FRYL: variants seen among roughly 807,000 people sequenced by gnomAD.
The protein encoded by FRYL is FRY like transcription coactivator.
Under a neutral mutation model 351.2 loss-of-function variants are expected in FRYL, and 150 were observed. The observed-to-expected ratio is 0.43, with a 90% confidence interval of 0.37 to 0.49. The LOEUF is 0.49. Among genes scored for constraint, FRYL ranks in the 20% least tolerant of loss-of-function variants. The probability of loss-of-function intolerance (pLI) is 0.00; values close to 1 mark genes in which losing one functional copy is unlikely to be tolerated. For missense variants in FRYL, 3,036 were observed against 3,619.3 expected (o/e 0.84, Z 4.13); for synonymous variants, 1,153 against 1,257.1 (o/e 0.92, Z 1.75).
intron 1 of FRYL, among the ~76,000 whole-genome samples, chr4:48,730,050 G>A (rs1347543941): frequency 1.3e-5 from 2 of 152,064 alleles, no homozygotes; most frequent in African/African-American, 4.8e-5. Context: ...TGACCTGATG[G>A]AGCTGAAAAC....
chr4:48,596,750 CCATTT>C (rs1313759994), intron 13 of FRYL, among the ~76,000 whole-genome samples: 3 of 151,958 alleles, frequency 2.0e-5, no homozygotes, highest in African/African-American at 7.3e-5. Context: ...ATCAGTTATT[CCATTT>C]CAATTACAAT....
At chr4:48,609,557 G>A (rs567584418) in intron 8 of FRYL, among the ~76,000 whole-genome samples, 187 bp downstream of exon 8, 92 of 152,110 alleles carry the variant, frequency 6.0e-4, no homozygotes, top group Non-Finnish European at 1.2e-3. Flanking sequence ...AGGAGGTCAA[G>A]GCTGCAGTGA....
At chr4:48,503,130 T>G (rs898572553) in intron 60 of FRYL, among the ~76,000 whole-genome samples, 4 of 151,874 alleles carry the variant, frequency 2.6e-5, no homozygotes, top group Non-Finnish European at 4.4e-5. Context: ...TGAACTATTG[T>G]GATCTTGGTA....
chr4:48,632,110 A>ATATATATG lies in FRYL; in HGVS notation c.120+2180_120+2181insCATATATA, dbSNP rs1553957680. Among the ~76,000 whole-genome samples the ATATATATG allele has an allele frequency of 2.6e-4, 25 of 94,752 alleles. 1 individual carries two copies. Among genetic ancestry groups the ATATATATG allele is most frequent in the Non-Finnish European group, 5.1e-4 (25 of 49,278 alleles). 62.2% of individuals were successfully genotyped at this position (94,752 alleles called of 152,430 possible). The stretch of plus-strand genomic sequence containing the variant: ...AAAAAAAATATATATATATATATAT[A>ATATATATG]TATATATATATATATATATGCGCAC... On this transcript the variant is annotated intron_variant, in intron 4 of 63. Transcript: ENST00000358350.
intron 2 of FRYL, among the ~76,000 whole-genome samples, chr4:48,705,847 T>C (rs1455124817): frequency 1.3e-5 from 2 of 152,114 alleles, no homozygotes; most frequent in Non-Finnish European, 2.9e-5. Flanking sequence ...TCACCTCCTT[T>C]TTTTTTTGAC....
In FRYL at chr4:48,589,890, A is replaced by G; in HGVS notation, c.1508-13T>C. 1 of 1,597,878 alleles carries G rather than the reference A, an allele frequency of 6.3e-7. No homozygotes were observed. Among genetic ancestry groups the G allele is most frequent in the Non-Finnish European group, 8.6e-7 (1 of 1,168,188 alleles). On this transcript the variant is annotated splice_polypyrimidine_tract_variant and intron_variant, in intron 17 of 63. Coordinates refer to ENST00000358350, the MANE Select transcript of FRYL (RefSeq NM_015030.2). Reference sequence around the variant, plus strand: ...TAAACTGACATTCCTAGGGGAAAAAACTTCACAGTTATAAAATATCTGAAA... The same window carrying G: ...TAAACTGACATTCCTAGGGGAAAAAGCTTCACAGTTATAAAATATCTGAAA...
In FRYL at chr4:48,512,817, TACA is replaced by T. The variant is rs1240844796; in HGVS notation, c.7938-132_7938-130del. On this transcript the variant is annotated intron_variant, in intron 56 of 63. Coordinates refer to ENST00000358350, the MANE Select transcript of FRYL (RefSeq NM_015030.2). ...ATCATACACACTGATTTAGAAAATG[TACA>T]ACAACCTAAATCTTGTAAGAAAGTG... is the stretch of plus-strand genomic sequence containing the variant. 3 of 633,438 alleles carry T rather than the reference TACA, an allele frequency of 4.7e-6. No individual in the cohort carries two copies. The Admixed American group carries it at 9.0e-5, about 19-fold the overall frequency. 39.2% of individuals were successfully genotyped at this position (633,438 alleles called of 1,614,324 possible).
intron 35 of FRYL, among the ~76,000 whole-genome samples, chr4:48,553,768 C>CA (rs761502915): frequency 6.6e-6 from 1 of 152,118 alleles, no homozygotes; most frequent in Non-Finnish European, 1.5e-5. Flanking sequence ...AGCCAGCCTC[C>CA]AAACCCAGGG....
intron 5 of FRYL, among the ~76,000 whole-genome samples, chr4:48,622,485 A>G (rs1179891261): frequency 6.6e-6 from 1 of 152,196 alleles, no homozygotes; most frequent in Non-Finnish European, 1.5e-5. Flanking sequence ...ATCCAGGAAC[A>G]CAGTATTTTG....
chr4:48,593,116 G>A (rs889849024), intron 16 of FRYL, among the ~76,000 whole-genome samples: 7 of 151,892 alleles, frequency 4.6e-5, no homozygotes, highest in African/African-American at 1.7e-4. Flanking sequence ...TTTTAATGTT[G>A]ATTTTTTTTG....
Position 48,710,672 on chromosome 4 carries a change from G to C in FRYL, c.-357C>G, listed in dbSNP as rs1470651473. 2 of 398,356 alleles carry C rather than the reference G, an allele frequency of 5.0e-6. No homozygotes were observed. Among genetic ancestry groups the C allele is most frequent in the Non-Finnish European group, 8.9e-6 (2 of 225,938 alleles). The allele number at this position is 398,356 out of a possible 1,614,324, so 24.7% of individuals were successfully genotyped here. A position where few individuals can be genotyped will look rare whatever the true frequency, so the allele number is the denominator to read the frequency against. Reference sequence around the variant, plus strand: ...AGCAGTAGTGAGTGAGTCACCGTGTGTGAAGCAGAATATGGAATGTTCTAG... The same window carrying C: ...AGCAGTAGTGAGTGAGTCACCGTGTCTGAAGCAGAATATGGAATGTTCTAG... On this transcript the variant is annotated 5_prime_UTR_variant, in exon 2 of 64. Transcript: ENST00000358350.
At chr4:48,700,490 T>C (rs1172951908) in intron 2 of FRYL, among the ~76,000 whole-genome samples, 13 of 152,200 alleles carry the variant, frequency 8.5e-5, no homozygotes, top group Non-Finnish European at 1.5e-4. Context: ...TTTGCTTTTA[T>C]AGATTCTCAG....
At chr4:48,699,868 G>A (rs936240558) in intron 2 of FRYL, among the ~76,000 whole-genome samples, 12 of 152,026 alleles carry the variant, frequency 7.9e-5, no homozygotes, top group African/African-American at 2.9e-4. Context: ...TCCCAATCTA[G>A]ATTTGCTACT....
chr4:48,575,136 T>G lies in FRYL; in HGVS notation c.2827A>C (p.Thr943Pro). The G allele has an allele frequency of 6.2e-7, 1 of 1,613,722 alleles. No homozygotes were observed. Among genetic ancestry groups the G allele is most frequent in the Non-Finnish European group, 8.5e-7 (1 of 1,179,660 alleles). ...AGTTACCTAAAAGCTCCTGGGTTGG[T>G]CCTGCCAAGACCTAGAACAAGGGAT... ...TESLVLGLGR[T>P]NPGAFRELIE... Residue 943 changes from threonine (T) to proline (P), a missense_variant, in exon 25 of 64, where the codon ACC becomes CCC. By Grantham distance (38) the Thr-to-Pro change is conservative. This residue lies in a region of FRYL where 492 missense variants were observed against 551.5 expected (regional missense o/e 0.89). Coordinates refer to ENST00000358350, the MANE Select transcript of FRYL (RefSeq NM_015030.2).
At chr4:48,499,755 C>T in intron 63 of FRYL, 75 bp from the exon 64 acceptor site, 1 of 1,315,136 alleles carries the variant, frequency 7.6e-7, no homozygotes, top group Non-Finnish European at 1.1e-6. Flanking sequence ...AGTTAAATAC[C>T]TGTAACAACA....
At chr4:48,727,695 A>G (rs888426831) in intron 1 of FRYL, among the ~76,000 whole-genome samples, 2 of 152,178 alleles carry the variant, frequency 1.3e-5, no homozygotes, top group Non-Finnish European at 2.9e-5. Flanking sequence ...GCACCACAAC[A>G]TTCTGTTTTT....
In FRYL at chr4:48,644,828, T is replaced by C. The variant is rs368562354; in HGVS notation, c.-80-10338A>G. On this transcript the variant is annotated intron_variant, in intron 3 of 63. Coordinates refer to ENST00000358350, the MANE Select transcript of FRYL (RefSeq NM_015030.2). ...TAGAGAGCAAACCCAAAATTATATATTTTTTAAAGATAAATGCATTTAACC... is the reference window on the plus strand; with the variant it reads ...TAGAGAGCAAACCCAAAATTATATACTTTTTAAAGATAAATGCATTTAACC... 2.0e-4 allele frequency among the ~76,000 whole-genome samples: 30 copies of C among 152,014 alleles called. No homozygotes were observed. The East Asian group carries it at 5.2e-3, about 26-fold the overall frequency.
chr4:48,568,272 A>T (rs140794779), intron 27 of FRYL, among the ~76,000 whole-genome samples: 1 of 152,196 alleles, frequency 6.6e-6, no homozygotes, highest in Non-Finnish European at 1.5e-5. Context: ...TGTATCTGCA[A>T]TGAGGTTTTC....
At chr4:48,663,295 T>C (rs563632022) in intron 3 of FRYL, among the ~76,000 whole-genome samples, 26 of 150,862 alleles carry the variant, frequency 1.7e-4, no homozygotes, top group African/African-American at 6.1e-4. Flanking sequence ...TGAAATTCAT[T>C]TTATAAACCC....
Sources: gnomAD v4.1 joint callset for allele counts (sites outside exome capture counted in the v4.1 genomes callset) on GRCh38, gnomAD v4.1.1 for gene constraint, gnomAD v4.1.1 regional missense constraint, MANE v1.5 for transcripts, NCBI Gene and HGNC (gene_info 2026-07-23, HGNC 2026-07-21) for gene names.